Variants in ZFHX3 observed in about 807,000 individuals in gnomAD.
The protein encoded by ZFHX3 is zinc finger homeobox protein 3.
ZFHX3 carries 42 observed loss-of-function variants against 279.1 expected under a neutral mutation model. The ratio of observed to expected loss-of-function variants is 0.15; its 90% CI spans 0.12 to 0.19. ZFHX3 has a LOEUF of 0.19. Ranked by LOEUF, ZFHX3 falls within the 10% of genes least tolerant of loss-of-function variation. ZFHX3 has a pLI of 1.00. For synonymous variants in ZFHX3, 2,293 were observed against 1,957.8 expected, an observed-to-expected ratio of 1.17 and a Z score of -4.52; for missense variants, 4,981 against 4,754.0, an observed-to-expected ratio of 1.05 and a Z score of -1.40.
intron 2 of ZFHX3, among the ~76,000 whole-genome samples, chr16:73,478,327 G>C (rs183012377): frequency 5.0e-4 from 75 of 150,808 alleles, no homozygotes; most frequent in Non-Finnish European, 7.8e-4. Context: ...TGCCTGAACA[G>C]GGACTTGAAC....
intron 2 of ZFHX3, among the ~76,000 whole-genome samples, chr16:73,646,408 TAAGA>T (rs1328282945): frequency 3.3e-5 from 5 of 151,670 alleles, no homozygotes; most frequent in Admixed American, 6.6e-5. Flanking sequence ...TCATAGAAAA[TAAGA>T]AAGAATGACA....
intron 2 of ZFHX3, among the ~76,000 whole-genome samples, chr16:73,511,665 G>A (rs918965253): frequency 1.3e-5 from 2 of 152,134 alleles, no homozygotes; most frequent in Non-Finnish European, 2.9e-5. Context: ...AGCATTTGAG[G>A]AGGCCTTCAT....
intron 4 of ZFHX3, among the ~76,000 whole-genome samples, chr16:72,849,975 C>T (rs80063737): frequency 4.4e-4 from 65 of 148,902 alleles, no homozygotes; most frequent in Admixed American, 1.1e-3. Context: ...TGCTAAGCTA[C>T]GTCAGGGGAC....
At position 73,288,054 on chromosome 16, in the gene ZFHX3, C is replaced by T. The variant is rs533028000; in HGVS notation, c.-1194+30186G>A. Among the ~76,000 whole-genome samples, 6 of 152,184 alleles carry T rather than the reference C, an allele frequency of 3.9e-5. 1 individual carries two copies. In the South Asian group the frequency reaches 1.2e-3, roughly 32 times the overall value. On this transcript the variant is annotated intron_variant, in intron 4 of 17. Transcript: ENST00000641206. ...GGCCGGCGGAGATGGACTGCCTGTG[C>T]CCCCATTAATGCTCTGACCCTGCAC... is the stretch of plus-strand genomic sequence containing the variant.
chr16:73,563,484 C>T, intron 2 of ZFHX3, among the ~76,000 whole-genome samples: 1 of 151,904 alleles, frequency 6.6e-6, no homozygotes, highest in East Asian at 1.9e-4. Context: ...GTCTTGATCT[C>T]CTGACCTCGT....
chr16:73,595,795 G>A lies in ZFHX3; in HGVS notation c.-1547+84385C>T, dbSNP rs141434524. 4.2e-3 allele frequency among the ~76,000 whole-genome samples: 631 copies of A among 151,966 alleles called. 4 individuals carry two copies. In the Middle Eastern group the frequency reaches 0.044, roughly 11 times the overall value. ...ACTCCGAACTGGTCTCTAACTCACCGAACTAGGCATTTGGTTACCTATGCC... is the reference window on the plus strand; with the variant it reads ...ACTCCGAACTGGTCTCTAACTCACCAAACTAGGCATTTGGTTACCTATGCC... On this transcript the variant is annotated intron_variant, in intron 2 of 17. Transcript: ENST00000641206.
chr16:73,880,831 C>T (rs897341976), intron 1 of ZFHX3, among the ~76,000 whole-genome samples: 1 of 152,098 alleles, frequency 6.6e-6, no homozygotes, highest in Admixed American at 6.5e-5. Context: ...AGTTTTCAGT[C>T]GGATAGTAAT....
At position 72,931,534 on chromosome 16, in the gene ZFHX3, G is replaced by T. The variant is rs915009665; in HGVS notation, c.3216+18935C>A. Among the ~76,000 whole-genome samples the T allele has an allele frequency of 3.7e-4, 54 of 145,008 alleles. 1 individual carries two copies. In the Admixed American group the frequency reaches 3.7e-3, roughly 10 times the overall value. Reference sequence around the variant, plus strand: ...GTAGCCAAGGAGATTAACTTCCAACGTACCGACAGGGAAGAGGAGGGATGC... The same window carrying T: ...GTAGCCAAGGAGATTAACTTCCAACTTACCGACAGGGAAGAGGAGGGATGC... On this transcript the variant is annotated intron_variant, in intron 3 of 9. Coordinates refer to ENST00000268489, the MANE Select transcript of ZFHX3 (RefSeq NM_006885.4).
In ZFHX3 at chr16:72,784,782, C is replaced by CTACTT. The variant is rs2143220876; in HGVS notation, c.*2377_*2381dup. ...AGATGGTATTCTTTCTTTAGTATTTCTACTTAAAAAAAACAATTAAAAAAG... is the reference window on the plus strand; with the variant it reads ...AGATGGTATTCTTTCTTTAGTATTTCTACTTTACTTAAAAAAAACAATTAAAAAAG... On this transcript the variant is annotated 3_prime_UTR_variant, in exon 10 of 10. Transcript: ENST00000268489. The CTACTT allele has an allele frequency of 6.6e-6, 1 of 152,246 alleles. No homozygotes were observed. The highest frequency in any genetic ancestry group is 1.9e-4 in the East Asian group (1 of 5,172). The allele number at this position is 152,246 out of a possible 1,614,324, so 9.4% of individuals were successfully genotyped here. A position where few individuals can be genotyped will look rare whatever the true frequency, so the allele number is the denominator to read the frequency against.
rs2035192294 is a variant in ZFHX3, at chr16:72,783,084, G to T, written c.*4080C>A. ...CTCCATGTATTTTGGTACAGTTCGAGATCAGCATTGTTACAGTAACAAAAA... is the reference window on the plus strand; with the variant it reads ...CTCCATGTATTTTGGTACAGTTCGATATCAGCATTGTTACAGTAACAAAAA... On this transcript the variant is annotated 3_prime_UTR_variant, in exon 10 of 10. Transcript: ENST00000268489. 1 of 152,314 alleles carries T rather than the reference G, an allele frequency of 6.6e-6. No individual in the cohort carries two copies. Among genetic ancestry groups the T allele is most frequent in the African/African-American group, 2.4e-5 (1 of 41,314 alleles). The allele number at this position is 152,314 out of a possible 1,614,324, so 9.4% of individuals were successfully genotyped here.
chr16:73,779,693 A>G (rs1229096439), intron 1 of ZFHX3, among the ~76,000 whole-genome samples: 1 of 152,228 alleles, frequency 6.6e-6, no homozygotes, highest in African/African-American at 2.4e-5. Context: ...ACAACAACAA[A>G]GATACCTTTG....
chr16:73,122,494 A>T (rs1379913506), intron 7 of ZFHX3, among the ~76,000 whole-genome samples: 1 of 152,064 alleles, frequency 6.6e-6, no homozygotes, highest in Non-Finnish European at 1.5e-5. Context: ...GGTGTGAGCC[A>T]CTGTGCCTGG....
intron 8 of ZFHX3, among the ~76,000 whole-genome samples, chr16:73,082,560 T>G (rs758617242): frequency 6.6e-6 from 1 of 152,166 alleles, no homozygotes; most frequent in Non-Finnish European, 1.5e-5. Flanking sequence ...TGAGCCACCG[T>G]GCCCAGCCAA....
chr16:72,847,507 TC>T (rs1231430693), intron 4 of ZFHX3, among the ~76,000 whole-genome samples: 4 of 152,008 alleles, frequency 2.6e-5, no homozygotes, highest in Admixed American at 6.6e-5. Flanking sequence ...CCCGGAGTGT[TC>T]CAGGTTTTGC....
At chr16:73,769,662 C>A (rs1262151067) in intron 1 of ZFHX3, among the ~76,000 whole-genome samples, 1 of 152,032 alleles carries the variant, frequency 6.6e-6, no homozygotes, top group East Asian at 1.9e-4. Flanking sequence ...CCTTTTTAAC[C>A]ACTGAAACTA....
At chr16:73,000,840 T>G (rs1963468650) in intron 1 of ZFHX3, among the ~76,000 whole-genome samples, 1 of 152,152 alleles carries the variant, frequency 6.6e-6, no homozygotes, top group African/African-American at 2.4e-5. Context: ...ACAAACCCCT[T>G]AGGCAAAGCA....
Position 73,416,802 on chromosome 16 carries a change from A to G in ZFHX3, c.-1291+39201T>C, listed in dbSNP as rs953986335. On this transcript the variant is annotated intron_variant, in intron 3 of 17. Coordinates refer to the ZFHX3 transcript ENST00000641206. ...AGCAGGAGAATGGCGTGAACTCGGG[A>G]GGCGGAGCCTGCAGTGAGCCGAGAT... 3.3e-4 allele frequency among the ~76,000 whole-genome samples: 49 copies of G among 147,360 alleles called. 3 individuals carry two copies. Among genetic ancestry groups the G allele is most frequent in the Non-Finnish European group, 5.8e-4 (38 of 65,410 alleles).
intron 2 of ZFHX3, among the ~76,000 whole-genome samples, chr16:73,564,807 A>G (rs1161645173): frequency 1.3e-5 from 2 of 152,238 alleles, no homozygotes; most frequent in Admixed American, 1.3e-4. Context: ...AAATTTTCCA[A>G]AATGCTGTCA....
chr16:73,559,044 T>TGTGTG (rs1555524768), intron 2 of ZFHX3, among the ~76,000 whole-genome samples: 3 of 149,374 alleles, frequency 2.0e-5, no homozygotes, highest in African/African-American at 7.4e-5. Context: ...ACTCCTCTTT[T>TGTGTG]TGTGTGTGTG....
Sources: allele counts gnomAD v4.1 joint callset (sites outside exome capture counted in the v4.1 genomes callset), GRCh38; gene constraint gnomAD v4.1.1; transcripts MANE v1.5; gene names NCBI Gene and HGNC (gene_info 2026-07-23, HGNC 2026-07-21).